Variants in DAB1 observed in about 807,000 individuals in gnomAD.
The protein encoded by DAB1 is DAB adaptor protein 1.
In DAB1, 15 loss-of-function variants were observed where a neutral mutation model predicts 64.6. That is an observed-to-expected ratio of 0.23 (90% CI 0.16 to 0.36). The LOEUF (loss-of-function observed/expected upper bound fraction) is 0.36, where lower values mean the gene tolerates loss of function less well. Ranked by LOEUF, DAB1 falls within the 10% of genes least tolerant of loss-of-function variation. The probability of loss-of-function intolerance (pLI) is 1.00; values close to 1 mark genes in which losing one functional copy is unlikely to be tolerated. For synonymous variants in DAB1, 235 were observed against 251.9 expected (o/e 0.93, Z 0.64); for missense variants, 596 against 706.7 (o/e 0.84, Z 1.78).
intron 3 of DAB1, among the ~76,000 whole-genome samples, chr1:58,445,889 A>T (rs1261998228): frequency 6.6e-6 from 1 of 152,202 alleles, no homozygotes. Context: ...GCAACCCCAG[A>T]GAACAGGTCT....
intron 3 of DAB1, among the ~76,000 whole-genome samples, chr1:57,143,146 G>A (rs1461063647): frequency 6.6e-6 from 1 of 152,158 alleles, no homozygotes; most frequent in Non-Finnish European, 1.5e-5. Flanking sequence ...ATTCTCATCT[G>A]ATCTCATGCA....
intron 5 of DAB1, among the ~76,000 whole-genome samples, chr1:57,931,974 T>C (rs1259752997): frequency 1.3e-5 from 2 of 152,162 alleles, no homozygotes; most frequent in African/African-American, 2.4e-5. Context: ...TTCTAACATA[T>C]GCATTCAATG....
At chr1:57,262,174 C>T (rs868447689) in intron 2 of DAB1, among the ~76,000 whole-genome samples, 1 of 152,202 alleles carries the variant, frequency 6.6e-6, no homozygotes, top group Non-Finnish European at 1.5e-5. Flanking sequence ...ATTAATACCA[C>T]GAACCACTCT....
In DAB1 at chr1:57,063,099, A is replaced by G. The variant is rs1261611; in HGVS notation, c.664-156T>C. ...ACCTGCTCTAATTGTGAAAGTATCA[A>G]GCCAGGCTCCCTCCCTTAGGAGCAT... On this transcript the variant is annotated intron_variant, in intron 8 of 14. Transcript: ENST00000371236. Among the ~76,000 whole-genome samples, 134,232 of 152,114 alleles carry G rather than the reference A, an allele frequency of 0.88. 59,324 individuals are homozygous for G. Among genetic ancestry groups the G allele is most frequent in the Middle Eastern group, 0.95 (278 of 294 alleles).
rs180706045 is a variant in DAB1, at chr1:58,329,100, T to C, written n.309+14252A>G. ...CTACATACATCTATTTTTAGAAATATATTCTTTGTGTATTTTTCTTACTAC... is the reference window on the plus strand; with the variant it reads ...CTACATACATCTATTTTTAGAAATACATTCTTTGTGTATTTTTCTTACTAC... On this transcript the variant is annotated intron_variant and non_coding_transcript_variant, in intron 4 of 20. Transcript: ENST00000485760. Among the ~76,000 whole-genome samples, 407 of 152,360 alleles carry C rather than the reference T, an allele frequency of 2.7e-3. 6 individuals carry two copies. The highest frequency in any genetic ancestry group is 8.8e-3 in the African/African-American group (364 of 41,586).
At chr1:57,754,079 C>T (rs545410064) in intron 6 of DAB1, among the ~76,000 whole-genome samples, 1 of 152,174 alleles carries the variant, frequency 6.6e-6, no homozygotes, top group Non-Finnish European at 1.5e-5. Flanking sequence ...ATCTCATCCT[C>T]TTCTGAGTCC....
intron 4 of DAB1, among the ~76,000 whole-genome samples, chr1:58,209,008 G>T (rs1341826266): frequency 6.6e-6 from 1 of 152,214 alleles, no homozygotes; most frequent in South Asian, 2.1e-4. Context: ...GCTTCCTAGA[G>T]AAAGTGACAC....
intron 7 of DAB1, among the ~76,000 whole-genome samples, chr1:57,531,427 G>A (rs1247565815): frequency 1.3e-5 from 2 of 152,018 alleles, no homozygotes; most frequent in African/African-American, 2.4e-5. Flanking sequence ...TGATTAAAAA[G>A]CTTTATTGCT....
At chr1:57,319,250 T>C (rs893272719) in intron 1 of DAB1, among the ~76,000 whole-genome samples, 2 of 152,202 alleles carry the variant, frequency 1.3e-5, no homozygotes, top group African/African-American at 4.8e-5. Flanking sequence ...ATGGGCACCT[T>C]CTTCCTGGCA....
At chr1:57,938,403 C>A (rs975994377) in intron 5 of DAB1, among the ~76,000 whole-genome samples, 1 of 152,132 alleles carries the variant, frequency 6.6e-6, no homozygotes, top group Non-Finnish European at 1.5e-5. Flanking sequence ...TCCCATGTAT[C>A]TAGGGAGACC....
At chr1:57,121,193 A>AAAG (rs1477447819) in intron 4 of DAB1, among the ~76,000 whole-genome samples, 26 of 150,090 alleles carry the variant, frequency 1.7e-4, no homozygotes, top group Admixed American at 6.0e-4. Context: ...GAAAGAGAAG[A>AAAG]AGGAGAAGGA....
intron 7 of DAB1, among the ~76,000 whole-genome samples, chr1:57,538,616 T>C (rs1644758872): frequency 6.6e-6 from 1 of 152,182 alleles, no homozygotes; most frequent in African/African-American, 2.4e-5. Context: ...CTTCTCTACC[T>C]TGAGCCCAAG....
intron 3 of DAB1, among the ~76,000 whole-genome samples, chr1:58,461,786 C>T (rs1392582911): frequency 6.6e-6 from 1 of 152,174 alleles, no homozygotes; most frequent in Non-Finnish European, 1.5e-5. Context: ...TATTTTCTAT[C>T]CTGATGAGAA....
intron 7 of DAB1, among the ~76,000 whole-genome samples, chr1:57,446,405 C>T (rs1180958598): frequency 1.3e-5 from 2 of 151,946 alleles, no homozygotes; most frequent in Non-Finnish European, 2.9e-5. Flanking sequence ...CGAGACCAGC[C>T]TCACCCACAC....
intron 5 of DAB1, among the ~76,000 whole-genome samples, chr1:58,121,910 T>C (rs1652762104): frequency 6.6e-6 from 1 of 152,208 alleles, no homozygotes; most frequent in Admixed American, 6.6e-5. Context: ...AAGTTGAAGT[T>C]AGAACATGCA....
rs185483121 is a variant in DAB1 at position 57,335,249 on chromosome 1, A to G, written c.-136-44083T>C. On this transcript the variant is annotated intron_variant, in intron 1 of 14. Transcript: ENST00000371236. Reference sequence around the variant, plus strand: ...AAGAGCAACTTTACGTGCCCCGATCATTAAAAAAAGCAAAATACATTTGAC... The same window carrying G: ...AAGAGCAACTTTACGTGCCCCGATCGTTAAAAAAAGCAAAATACATTTGAC... Among the ~76,000 whole-genome samples, 10 of 152,212 alleles carry G rather than the reference A, an allele frequency of 6.6e-5. No individual in the cohort carries two copies. The East Asian group carries it at 1.9e-3, about 29-fold the overall frequency.
intron 6 of DAB1, among the ~76,000 whole-genome samples, chr1:57,761,984 C>T (rs1649109920): frequency 6.6e-6 from 1 of 152,180 alleles, no homozygotes. Flanking sequence ...AGAACACTGG[C>T]TCAAATGCTT....
chr1:58,282,447 A>G lies in DAB1; in HGVS notation n.309+60905T>C, dbSNP rs141826677. On this transcript the variant is annotated intron_variant and non_coding_transcript_variant, in intron 4 of 20. Transcript: ENST00000485760. ...CCTTTCCCTATGCCCTCTCATTTTC[A>G]TAGTGGGAAACATTCTTCCTAGTGG... is the stretch of plus-strand genomic sequence containing the variant. 2.0e-5 allele frequency among the ~76,000 whole-genome samples: 3 copies of G among 152,302 alleles called. No individual in the cohort carries two copies. The East Asian group carries it at 5.8e-4, about 29-fold the overall frequency.
chr1:57,772,965 A>G (rs1382824742), intron 6 of DAB1, among the ~76,000 whole-genome samples: 1 of 152,108 alleles, frequency 6.6e-6, no homozygotes, highest in African/African-American at 2.4e-5. Context: ...ACACACATAC[A>G]GGAGAATACC....
Sources: gnomAD v4.1 joint callset for allele counts (sites outside exome capture counted in the v4.1 genomes callset) on GRCh38, gnomAD v4.1.1 for gene constraint, MANE v1.5 for transcripts, NCBI Gene and HGNC (gene_info 2026-07-23, HGNC 2026-07-21) for gene names.